Variants in PPP6C observed in about 807,000 individuals in gnomAD.
PPP6C encodes serine/threonine-protein phosphatase 6 catalytic subunit.
A neutral mutation model predicts 39.8 loss-of-function variants in PPP6C; 11 were observed. That is an observed-to-expected ratio of 0.28 (90% CI 0.17 to 0.46). The LOEUF is 0.46. Among genes scored for constraint, PPP6C ranks in the 20% least tolerant of loss-of-function variants. PPP6C has a pLI of 1.00. For synonymous variants in PPP6C, 129 were observed against 130.3 expected (o/e 0.99, Z 0.07); for missense variants, 211 against 373.9 (o/e 0.56, Z 3.59).
intron 1 of PPP6C, among the ~76,000 whole-genome samples, chr9:125,176,013 G>A (rs1829290740): frequency 1.3e-5 from 2 of 152,194 alleles, no homozygotes; most frequent in Non-Finnish European, 2.9e-5. Context: ...GGGATGGGGT[G>A]CTGGGGTGGA....
chr9:125,151,381 TCA>T, intron 6 of PPP6C: 2 of 1,046,866 alleles, frequency 1.9e-6, no homozygotes, highest in Non-Finnish European at 1.5e-6. Flanking sequence ...CTATCTTGAC[TCA>T]CAGAATCTTC....
At chr9:125,168,714 C>A (rs1017048494) in intron 2 of PPP6C, among the ~76,000 whole-genome samples, 5 of 151,992 alleles carry the variant, frequency 3.3e-5, no homozygotes, top group Non-Finnish European at 7.4e-5. Flanking sequence ...ACCTCAGCCT[C>A]CCAAAGTGCT....
intron 1 of PPP6C, chr9:125,172,149 A>T: frequency 2.9e-6 from 1 of 342,514 alleles, no homozygotes; most frequent in Non-Finnish European, 5.7e-6. Flanking sequence ...TGTTGAGTGA[A>T]AAAAATGAAA....
In PPP6C at chr9:125,149,503, G is replaced by A. The variant is rs1835886991; in HGVS notation, c.*170C>T. ...AAATTGATAGAAAAACTTTGCTATA[G>A]ACACCACAACAAACAATAAATTTAG... On this transcript the variant is annotated 3_prime_UTR_variant, in exon 7 of 7. Coordinates refer to ENST00000373547, the MANE Select transcript of PPP6C (RefSeq NM_002721.5). The A allele has an allele frequency of 1.2e-6, 1 of 832,104 alleles. No homozygotes were observed. Among genetic ancestry groups the A allele is most frequent in the South Asian group, 2.5e-5 (1 of 39,914 alleles). 51.5% of individuals were successfully genotyped at this position (832,104 alleles called of 1,614,324 possible). A position where few individuals can be genotyped will look rare whatever the true frequency, so the allele number is the denominator to read the frequency against.
At chr9:125,159,514 T>A (rs1466409703) in intron 3 of PPP6C, among the ~76,000 whole-genome samples, 1 of 152,000 alleles carries the variant, frequency 6.6e-6, no homozygotes, top group Non-Finnish European at 1.5e-5. Flanking sequence ...GGTAAAATAA[T>A]TTTTTATTTT....
At chr9:125,183,338 AGCGTATTCCTCCATTTAT>A (rs1409366212) in intron 1 of PPP6C, among the ~76,000 whole-genome samples, 1 of 152,138 alleles carries the variant, frequency 6.6e-6, no homozygotes, top group African/African-American at 2.4e-5. Flanking sequence ...AAACTCCTCA[AGCGTATTCCTCCATTTAT>A]GGCAGTGTTT....
At chr9:125,171,482 T>TACACACACACAC (rs1156918555) in intron 1 of PPP6C, among the ~76,000 whole-genome samples, 1 of 33,068 alleles carries the variant, frequency 3.0e-5, no homozygotes, top group Admixed American at 2.4e-4. Context: ...CACACACATA[T>TACACACACACAC]ATATATATAT....
At chr9:125,184,859 G>A in intron 1 of PPP6C, among the ~76,000 whole-genome samples, 1 of 149,158 alleles carries the variant, frequency 6.7e-6, no homozygotes, top group Non-Finnish European at 1.5e-5. Flanking sequence ...GTGCGCACCT[G>A]TAATCCCAGC....
chr9:125,169,821 TAGG>T (rs1829103887), intron 2 of PPP6C, among the ~76,000 whole-genome samples: 1 of 152,176 alleles, frequency 6.6e-6, no homozygotes, highest in Non-Finnish European at 1.5e-5. Context: ...GACCTCCATC[TAGG>T]AGGTGATGAC....
chr9:125,176,606 G>A (rs771174497), intron 1 of PPP6C, among the ~76,000 whole-genome samples: 2 of 152,162 alleles, frequency 1.3e-5, no homozygotes, highest in Admixed American at 6.5e-5. Flanking sequence ...GCAGTGAGGT[G>A]AGACTGTGCC....
intron 1 of PPP6C, among the ~76,000 whole-genome samples, chr9:125,188,162 G>T (rs1829572323): frequency 6.6e-6 from 1 of 152,126 alleles, no homozygotes; most frequent in African/African-American, 2.4e-5. Context: ...GAGGCGGGCG[G>T]ATCACGAGTT....
chr9:125,156,465 G>C (rs2131303670), intron 4 of PPP6C, among the ~76,000 whole-genome samples: 1 of 152,214 alleles, frequency 6.6e-6, no homozygotes, highest in East Asian at 1.9e-4. Context: ...GTAGAGACGG[G>C]GTTTCACCAT....
At chr9:125,164,514 C>T (rs1305899111) in intron 2 of PPP6C, among the ~76,000 whole-genome samples, 1 of 152,222 alleles carries the variant, frequency 6.6e-6, no homozygotes, top group Admixed American at 6.5e-5. Context: ...AGGCGTGAGC[C>T]ACTGCACCCA....
rs1387221868 is a variant in PPP6C at position 125,146,801 on chromosome 9, G to A, written c.*2872C>T. On this transcript the variant is annotated 3_prime_UTR_variant, in exon 7 of 7. Transcript: ENST00000373547. ...TGGATTCTTGATGTCAAATCTCTTC[G>A]ACTCCAGATACACAATTTCCTGGAA... is the stretch of plus-strand genomic sequence containing the variant. The A allele has an allele frequency of 1.3e-5, 2 of 151,974 alleles. No individual in the cohort carries two copies. The highest frequency in any genetic ancestry group is 2.9e-5 in the Non-Finnish European group (2 of 67,994). The allele number at this position is 151,974 out of a possible 1,614,324, so 9.4% of individuals were successfully genotyped here. A position where few individuals can be genotyped will look rare whatever the true frequency, so the allele number is the denominator to read the frequency against.
Position 125,166,269 on chromosome 9 carries a change from T to C in PPP6C, c.171+4816A>G, listed in dbSNP as rs575589581. ...GGAAAGTCTTTTAAGTGTCGGAAACTGTTAGCCCCATAGTGGTGGACTCAG... is the reference window on the plus strand; with the variant it reads ...GGAAAGTCTTTTAAGTGTCGGAAACCGTTAGCCCCATAGTGGTGGACTCAG... On this transcript the variant is annotated intron_variant, in intron 2 of 6. Coordinates refer to ENST00000373547, the MANE Select transcript of PPP6C (RefSeq NM_002721.5). Among the ~76,000 whole-genome samples, 6 of 152,334 alleles carry C rather than the reference T, an allele frequency of 3.9e-5. No homozygotes were observed. The East Asian group carries it at 7.7e-4, about 20-fold the overall frequency.
intron 2 of PPP6C, among the ~76,000 whole-genome samples, chr9:125,168,085 A>G (rs1420769225): frequency 6.6e-6 from 1 of 152,174 alleles, no homozygotes; most frequent in East Asian, 1.9e-4. Context: ...CCCTTGGTTC[A>G]TGCTAAGGCA....
intron 6 of PPP6C, 47 bp downstream of exon 6, chr9:125,153,486 G>T (rs1372915721): frequency 1.3e-6 from 2 of 1,551,492 alleles, no homozygotes; most frequent in Non-Finnish European, 1.8e-6. Flanking sequence ...TCTCTATGCA[G>T]CCCATTAGCA....
At chr9:125,167,396 A>AAAAAAAAAAAAAAG (rs1355880967) in intron 2 of PPP6C, among the ~76,000 whole-genome samples, 20 of 143,518 alleles carry the variant, frequency 1.4e-4, no homozygotes, top group African/African-American at 4.8e-4. Context: ...AAAAAAAAAA[A>AAAAAAAAAAAAAAG]AAAGAAATAA....
Position 125,171,171 on chromosome 9 carries a change from C to A in PPP6C, c.85G>T (p.Asp29Tyr). The A allele has an allele frequency of 6.3e-7, 1 of 1,580,056 alleles. No homozygotes were observed. Among genetic ancestry groups the A allele is most frequent in the South Asian group, 1.1e-5 (1 of 87,702 alleles). ...TCTAAGAGGAGGTCACAAACGTAGT[C>A]ACATAGCCGCTATAAAAAGAGAAAA... is the stretch of plus-strand genomic sequence containing the variant. ...LPENDLKRLCDYVCDLLLEES... is the reference protein window; with the variant it reads ...LPENDLKRLCYYVCDLLLEES... Residue 29 changes from aspartate (D) to tyrosine (Y), a missense_variant, in exon 2 of 7, where the codon GAC becomes TAC. Physicochemically the swap from Asp to Tyr is radical, Grantham distance 160 (BLOSUM62 -3). Coordinates refer to ENST00000373547, the MANE Select transcript of PPP6C (RefSeq NM_002721.5).
Sources: allele counts gnomAD v4.1 joint callset (sites outside exome capture counted in the v4.1 genomes callset), GRCh38; gene constraint gnomAD v4.1.1; transcripts MANE v1.5; gene names NCBI Gene and HGNC (gene_info 2026-07-23, HGNC 2026-07-21).